The following ANK3 variants were observed in gnomAD, a reference collection of about 807,000 sequenced individuals.
ANK3 encodes the protein ankyrin 3.
ANK3 carries 57 observed loss-of-function variants against 370.9 expected under a neutral mutation model. That is an observed-to-expected ratio of 0.15 (90% confidence interval 0.12 to 0.19). The LOEUF is 0.19. ANK3 is among the 10% of genes least tolerant of loss of function. ANK3 has a pLI of 1.00. For missense variants in ANK3, 4,439 were observed against 5,302.1 expected (o/e 0.84, Z 5.06); for synonymous variants, 1,929 against 1,946.3 (o/e 0.99, Z 0.23).
chr10:60,139,275 T>TC (rs1281971953), intron 23 of ANK3, 188 bp from the exon 24 acceptor site: 1 of 570,152 alleles, frequency 1.8e-6, no homozygotes, highest in East Asian at 3.1e-5. Context: ...GTACACAATT[T>TC]CAAGAGTGAA....
intron 2 of ANK3, among the ~76,000 whole-genome samples, chr10:60,606,911 C>T (rs904629014): frequency 2.0e-5 from 3 of 152,100 alleles, no homozygotes; most frequent in Non-Finnish European, 4.4e-5. Flanking sequence ...TCCCCAGATC[C>T]GGCAGGAAGA....
At chr10:60,360,132 T>C (rs1330683686) in intron 1 of ANK3, among the ~76,000 whole-genome samples, 2 of 152,238 alleles carry the variant, frequency 1.3e-5, no homozygotes, top group Admixed American at 6.5e-5. Context: ...CAAATCTTGT[T>C]GCATCTGGTA....
At chr10:60,336,094 G>GGA (rs997315690) in intron 1 of ANK3, among the ~76,000 whole-genome samples, 2 of 151,940 alleles carry the variant, frequency 1.3e-5, no homozygotes, top group African/African-American at 4.8e-5. Flanking sequence ...GTTTGGCGGG[G>GGA]GGGGGAAGCT....
At chr10:60,308,880 T>C (rs140589848) in intron 1 of ANK3, among the ~76,000 whole-genome samples, 2 of 152,272 alleles carry the variant, frequency 1.3e-5, no homozygotes, top group East Asian at 1.9e-4. Flanking sequence ...TCCCCTGGCA[T>C]TGGATGCCTG....
intron 1 of ANK3, among the ~76,000 whole-genome samples, chr10:60,672,753 G>A (rs913067908): frequency 6.6e-6 from 1 of 152,210 alleles, no homozygotes; most frequent in African/African-American, 2.4e-5. Flanking sequence ...TTGATCAGAA[G>A]CATAGGTGAC....
chr10:60,675,023 T>G (rs1253921526), intron 1 of ANK3, among the ~76,000 whole-genome samples: 2 of 152,240 alleles, frequency 1.3e-5, no homozygotes, highest in East Asian at 3.8e-4. Flanking sequence ...ACATTTGCAT[T>G]GCAAGTAGCA....
At chr10:60,385,341 A>C (rs564330433) in intron 1 of ANK3, among the ~76,000 whole-genome samples, 3 of 151,794 alleles carry the variant, frequency 2.0e-5, no homozygotes, top group Admixed American at 6.6e-5. Context: ...AGCTTCATTG[A>C]GATTCTCCTC....
At chr10:60,317,504 C>A (rs564671421) in intron 1 of ANK3, among the ~76,000 whole-genome samples, 1 of 152,036 alleles carries the variant, frequency 6.6e-6, no homozygotes, top group African/African-American at 2.4e-5. Flanking sequence ...GCACTTAGCA[C>A]CTTCTATTAC....
At chr10:60,710,809 T>G (rs1196802384) in intron 1 of ANK3, among the ~76,000 whole-genome samples, 1 of 152,158 alleles carries the variant, frequency 6.6e-6, no homozygotes, top group African/African-American at 2.4e-5. Flanking sequence ...GAGCCACTGG[T>G]GCAGATTCCA....
At chr10:60,676,329 G>A (rs993912769) in intron 1 of ANK3, among the ~76,000 whole-genome samples, 11 of 152,034 alleles carry the variant, frequency 7.2e-5, no homozygotes, top group African/African-American at 1.7e-4. Flanking sequence ...TCATATGTCC[G>A]TTAAATTTTA....
chr10:60,163,638 A>T (rs974537070), intron 23 of ANK3, among the ~76,000 whole-genome samples: 2 of 152,220 alleles, frequency 1.3e-5, no homozygotes, highest in Non-Finnish European at 2.9e-5. Flanking sequence ...AGAATGAAAA[A>T]GAAGAGAGAG....
intron 2 of ANK3, among the ~76,000 whole-genome samples, chr10:60,513,889 C>T (rs757234978): frequency 5.3e-5 from 8 of 152,238 alleles, no homozygotes; most frequent in Middle Eastern, 3.4e-3. Context: ...CACTTATACA[C>T]GGACCTTTTT....
intron 2 of ANK3, among the ~76,000 whole-genome samples, chr10:60,452,909 C>T (rs996825112): frequency 6.6e-6 from 1 of 152,172 alleles, no homozygotes; most frequent in Non-Finnish European, 1.5e-5. Flanking sequence ...TCACATACAC[C>T]TGGACACCAA....
Position 60,059,747 on chromosome 10 carries a change from C to A in ANK3, c.12596-317G>T, listed in dbSNP as rs558378990. On this transcript the variant is annotated intron_variant, in intron 40 of 43. Transcript: ENST00000280772. ...TCTCATCTACATCCACTGCTTCAGG[C>A]ATTTCTGTTAAAGGCACTGAGTCTT... The A allele has an allele frequency of 8.8e-4, 1,423 of 1,614,070 alleles. 18 individuals are homozygous for A. In the South Asian group the frequency reaches 0.015, roughly 17 times the overall value.
At chr10:60,077,694 T>TG (rs779606526) in intron 36 of ANK3, among the ~76,000 whole-genome samples, 13 of 152,316 alleles carry the variant, frequency 8.5e-5, no homozygotes, top group Non-Finnish European at 1.5e-4. Context: ...AAAGCTATCA[T>TG]GGGGGACATC....
chr10:60,115,098 A>G (rs2092993926), intron 25 of ANK3, among the ~76,000 whole-genome samples: 1 of 152,238 alleles, frequency 6.6e-6, no homozygotes, highest in African/African-American at 2.4e-5. Flanking sequence ...AAACCTAACC[A>G]GAAATATCTC....
intron 2 of ANK3, among the ~76,000 whole-genome samples, chr10:60,570,452 G>T (rs1227239395): frequency 6.6e-6 from 1 of 152,198 alleles, no homozygotes; most frequent in East Asian, 1.9e-4. Flanking sequence ...CACCCAGTGG[G>T]CTGGCACAGA....
At chr10:60,486,305 G>A (rs975125905) in intron 2 of ANK3, among the ~76,000 whole-genome samples, 5 of 152,156 alleles carry the variant, frequency 3.3e-5, no homozygotes, top group Non-Finnish European at 7.4e-5. Context: ...GTGGTCAGGC[G>A]CAATGGCTCA....
intron 1 of ANK3, among the ~76,000 whole-genome samples, chr10:60,660,935 C>CACACACACACAT (rs199857312): frequency 6.8e-6 from 1 of 146,466 alleles, no homozygotes; most frequent in Non-Finnish European, 1.5e-5. Flanking sequence ...CACACACACA[C>CACACACACACAT]CCCACATCTA....
Sources: gnomAD v4.1 joint callset for allele counts (sites outside exome capture counted in the v4.1 genomes callset) on GRCh38, gnomAD v4.1.1 for gene constraint, MANE v1.5 for transcripts, NCBI Gene and HGNC (gene_info 2026-07-23, HGNC 2026-07-21) for gene names.